TCF7L1: variants seen among roughly 807,000 people sequenced by gnomAD.
TCF7L1 encodes transcription factor 7 like 1.
TCF7L1 carries 18 observed loss-of-function variants against 63.7 expected under a neutral mutation model. The observed-to-expected ratio is 0.28, with a 90% CI of 0.20 to 0.42. The LOEUF is 0.42. Among genes scored for constraint, TCF7L1 ranks in the 10% least tolerant of loss-of-function variants. The pLI, the probability that TCF7L1 is intolerant of heterozygous loss-of-function variation, is 1.00. For synonymous variants in TCF7L1, 355 were observed against 340.9 expected (o/e 1.04, Z -0.46); for missense variants, 654 against 779.3 (o/e 0.84, Z 1.91).
intron 11 of TCF7L1, 46 bp from the exon 12 acceptor site, chr2:85,308,983 C>G: frequency 6.5e-7 from 1 of 1,528,950 alleles, no homozygotes; most frequent in East Asian, 2.3e-5. Context: ...GCCTCCTCCT[C>G]TCACAGAGCT....
At chr2:85,280,500 C>T (rs1295051810) in intron 3 of TCF7L1, among the ~76,000 whole-genome samples, 1 of 152,128 alleles carries the variant, frequency 6.6e-6, no homozygotes, top group East Asian at 1.9e-4. Flanking sequence ...TAAGGACATC[C>T]CTGGTAAGCC....
At chr2:85,148,331 T>C (rs1050299731) in intron 3 of TCF7L1, among the ~76,000 whole-genome samples, 35 of 152,044 alleles carry the variant, frequency 2.3e-4, no homozygotes, top group Non-Finnish European at 2.8e-4. Flanking sequence ...GCCCAAGGCT[T>C]GAGGGATGGA....
chr2:85,192,673 G>A (rs1424086607), intron 3 of TCF7L1, among the ~76,000 whole-genome samples: 1 of 151,086 alleles, frequency 6.6e-6, no homozygotes, highest in Non-Finnish European at 1.5e-5. Flanking sequence ...GTGAGCCGTG[G>A]CACCTGGCCT....
intron 3 of TCF7L1, among the ~76,000 whole-genome samples, chr2:85,141,730 G>A (rs894875571): frequency 4.6e-5 from 7 of 152,214 alleles, no homozygotes; most frequent in Non-Finnish European, 7.3e-5. Flanking sequence ...TCAAAAGCAG[G>A]TAGGCTTCTT....
chr2:85,175,001 C>G (rs765530771), intron 3 of TCF7L1, among the ~76,000 whole-genome samples: 1 of 152,162 alleles, frequency 6.6e-6, no homozygotes, highest in Non-Finnish European at 1.5e-5. Context: ...TCTTTGATAT[C>G]GTTGATTTGC....
intron 3 of TCF7L1, among the ~76,000 whole-genome samples, chr2:85,266,147 T>A (rs770299203): frequency 6.6e-6 from 1 of 152,248 alleles, no homozygotes; most frequent in Non-Finnish European, 1.5e-5. Flanking sequence ...TAAATTCAGA[T>A]ATCATAATTG....
At chr2:85,199,018 A>G (rs1262777084) in intron 3 of TCF7L1, among the ~76,000 whole-genome samples, 2 of 152,194 alleles carry the variant, frequency 1.3e-5, no homozygotes, top group African/African-American at 4.8e-5. Context: ...GCTCCATTTC[A>G]TCAAATCTGA....
At chr2:85,237,783 G>C (rs1481634723) in intron 3 of TCF7L1, among the ~76,000 whole-genome samples, 6 of 138,438 alleles carry the variant, frequency 4.3e-5, no homozygotes, top group Non-Finnish European at 6.2e-5. Context: ...GAGGGAGGGG[G>C]CTGGTGGGGG....
At chr2:85,246,049 G>A (rs866707322) in intron 3 of TCF7L1, among the ~76,000 whole-genome samples, 2 of 151,374 alleles carry the variant, frequency 1.3e-5, no homozygotes, top group Middle Eastern at 3.4e-3. Context: ...TGTCCACAGT[G>A]CTGACTCAAT....
chr2:85,193,892 A>G (rs1179260278), intron 3 of TCF7L1, among the ~76,000 whole-genome samples: 1 of 151,980 alleles, frequency 6.6e-6, no homozygotes, highest in African/African-American at 2.4e-5. Context: ...TATGTAGGTG[A>G]GTGGTATGTG....
At chr2:85,252,384 C>G (rs1039320915) in intron 3 of TCF7L1, among the ~76,000 whole-genome samples, 1 of 152,252 alleles carries the variant, frequency 6.6e-6, no homozygotes, top group Non-Finnish European at 1.5e-5. Flanking sequence ...CAGTTATACC[C>G]TGTGATAATT....
chr2:85,192,420 G>C (rs566937467), intron 3 of TCF7L1, among the ~76,000 whole-genome samples: 2 of 152,178 alleles, frequency 1.3e-5, no homozygotes, highest in African/African-American at 4.8e-5. Flanking sequence ...TTTTGAGACA[G>C]AGTCCCGATC....
chr2:85,203,082 G>A (rs562585281), intron 3 of TCF7L1, among the ~76,000 whole-genome samples: 3 of 152,088 alleles, frequency 2.0e-5, no homozygotes, highest in African/African-American at 4.8e-5. Context: ...TGATCCGCCC[G>A]CCTTGGCCTC....
At chr2:85,181,768 C>T (rs1217874418) in intron 3 of TCF7L1, among the ~76,000 whole-genome samples, 1 of 152,104 alleles carries the variant, frequency 6.6e-6, no homozygotes, top group Non-Finnish European at 1.5e-5. Context: ...AGGGAGGGTT[C>T]CCAGGGCGCT....
intron 4 of TCF7L1, among the ~76,000 whole-genome samples, chr2:85,293,141 A>G (rs1021314679): frequency 1.3e-5 from 2 of 152,190 alleles, no homozygotes; most frequent in African/African-American, 2.4e-5. Flanking sequence ...CATGTCCACT[A>G]ATATTCCATT....
At chr2:85,174,937 A>G (rs1383983820) in intron 3 of TCF7L1, among the ~76,000 whole-genome samples, 1 of 152,234 alleles carries the variant, frequency 6.6e-6, no homozygotes, top group Non-Finnish European at 1.5e-5. Context: ...TGACCGTCTC[A>G]AAGTGTTACT....
chr2:85,291,725 T>A (rs1573029028), intron 4 of TCF7L1, among the ~76,000 whole-genome samples: 2 of 152,254 alleles, frequency 1.3e-5, no homozygotes, highest in African/African-American at 4.8e-5. Context: ...TTTTTTGTGC[T>A]TTGTTGAGAG....
intron 4 of TCF7L1, among the ~76,000 whole-genome samples, chr2:85,300,825 G>C (rs1681953520): frequency 6.6e-6 from 1 of 151,342 alleles, no homozygotes; most frequent in South Asian, 2.1e-4. Flanking sequence ...TGTCACCCAG[G>C]CTGGAGTGCA....
At chr2:85,302,311 T>C (rs1447829401) in intron 4 of TCF7L1, among the ~76,000 whole-genome samples, 173 bp from the exon 5 acceptor site, 5 of 152,122 alleles carry the variant, frequency 3.3e-5, no homozygotes, top group African/African-American at 2.4e-5. Context: ...TGATCCCTTC[T>C]CAAGTCCTGC....
Sources: allele counts gnomAD v4.1 joint callset (sites outside exome capture counted in the v4.1 genomes callset), GRCh38; gene constraint gnomAD v4.1.1; transcripts MANE v1.5; gene names NCBI Gene and HGNC (gene_info 2026-07-23, HGNC 2026-07-21).